Variants in MAPRE2 observed in about 807,000 individuals in gnomAD.
MAPRE2 encodes microtubule associated protein RP/EB family member 2, also known as microtubule-associated protein RP/EB family member 2.
MAPRE2 carries 13 observed loss-of-function variants against 43.2 expected under a neutral mutation model. That is an observed-to-expected ratio of 0.30 (90% CI 0.20 to 0.48). MAPRE2 has a LOEUF of 0.48. Among genes scored for constraint, MAPRE2 ranks in the 20% least tolerant of loss-of-function variants. The pLI is 0.99. For missense variants in MAPRE2, 161 were observed against 400.2 expected, an observed-to-expected ratio of 0.40 and a Z score of 5.10; for synonymous variants, 135 against 148.8, an observed-to-expected ratio of 0.91 and a Z score of 0.68.
intron 6 of MAPRE2, among the ~76,000 whole-genome samples, chr18:35,139,979 T>C (rs150975538): frequency 1.1e-4 from 16 of 152,346 alleles, no homozygotes; most frequent in African/African-American, 3.8e-4. Context: ...TGGTTTACTC[T>C]TTTACAAAGG....
chr18:34,985,311 T>TAAAATATATAATATTA (rs1568961542), intron 1 of MAPRE2, among the ~76,000 whole-genome samples: 2 of 39,560 alleles, frequency 5.1e-5, no homozygotes, highest in African/African-American at 2.3e-4. Flanking sequence ...ATTGTATATA[T>TAAAATATATAATATTA]TATATTATAT....
intron 2 of MAPRE2, among the ~76,000 whole-genome samples, chr18:35,008,683 T>G (rs1322388864): frequency 6.6e-6 from 1 of 152,210 alleles, no homozygotes; most frequent in African/African-American, 2.4e-5. Context: ...CAGATCTTGT[T>G]GTTGGTTTGG....
intron 2 of MAPRE2, among the ~76,000 whole-genome samples, chr18:35,083,542 A>G (rs1186127768): frequency 2.0e-5 from 3 of 152,206 alleles, no homozygotes; most frequent in African/African-American, 7.2e-5. Flanking sequence ...GCCTCCCTGG[A>G]AGCCAGTGAC....
intron 2 of MAPRE2, among the ~76,000 whole-genome samples, chr18:35,006,454 C>A (rs1187500852): frequency 6.6e-6 from 1 of 152,114 alleles, no homozygotes; most frequent in Non-Finnish European, 1.5e-5. Context: ...GTAATGGTGA[C>A]TATTAAAAGC....
At chr18:35,087,790 G>A (rs1479013050) in intron 2 of MAPRE2, among the ~76,000 whole-genome samples, 1 of 152,150 alleles carries the variant, frequency 6.6e-6, no homozygotes, top group East Asian at 1.9e-4. Context: ...CTCTTAGTCT[G>A]TTTTATGCTG....
intron 1 of MAPRE2, among the ~76,000 whole-genome samples, chr18:35,068,481 A>G (rs542682985): frequency 1.3e-5 from 2 of 152,314 alleles, no homozygotes; most frequent in Admixed American, 1.3e-4. Context: ...CAATGGATTG[A>G]AACATATCAA....
Position 35,142,754 on chromosome 18 carries a change from C to T in MAPRE2, c.*2385C>T, listed in dbSNP as rs1209257868. 6.6e-6 allele frequency: 1 copy of T among 152,142 alleles called. No homozygotes were observed. The highest frequency in any genetic ancestry group is 1.5e-5 in the Non-Finnish European group (1 of 68,048). The allele number at this position is 152,142 out of a possible 1,614,324, so 9.4% of individuals were successfully genotyped here. ...CTTTAACAGCTGAATTTGAGTCAGT[C>T]CTCTTAGGCTGCACCTCCAGCCTCT... On this transcript the variant is annotated 3_prime_UTR_variant, in exon 7 of 7. Coordinates refer to ENST00000300249, the MANE Select transcript of MAPRE2 (RefSeq NM_014268.4).
chr18:34,993,309 C>T (rs960058541), intron 1 of MAPRE2, among the ~76,000 whole-genome samples: 14 of 145,758 alleles, frequency 9.6e-5, no homozygotes, highest in Non-Finnish European at 1.9e-4. Flanking sequence ...TGTTTTGTTG[C>T]CCAGGGTGGT....
At chr18:35,053,359 A>T (rs1280177135) in intron 1 of MAPRE2, among the ~76,000 whole-genome samples, 1 of 152,122 alleles carries the variant, frequency 6.6e-6, no homozygotes, top group African/African-American at 2.4e-5. Context: ...ACGCCACTGC[A>T]CTCCAGGCTA....
At chr18:35,042,008 G>A (rs1181239617) in intron 1 of MAPRE2, among the ~76,000 whole-genome samples, 1 of 152,176 alleles carries the variant, frequency 6.6e-6, no homozygotes, top group African/African-American at 2.4e-5. Flanking sequence ...AGATTTTAAA[G>A]GAGCCATTAG....
intron 4 of MAPRE2, among the ~76,000 whole-genome samples, chr18:35,108,152 A>G (rs1185267120): frequency 2.0e-5 from 3 of 152,076 alleles, no homozygotes; most frequent in Non-Finnish European, 4.4e-5. Flanking sequence ...GCCCCAGTGT[A>G]TGATGTTCCC....
chr18:35,008,711 C>T (rs1472040176), intron 2 of MAPRE2, among the ~76,000 whole-genome samples: 1 of 152,068 alleles, frequency 6.6e-6, no homozygotes, highest in Non-Finnish European at 1.5e-5. Context: ...TGGTTTGTGT[C>T]TATTCATCTA....
intron 1 of MAPRE2, chr18:34,978,470 A>T (rs1013447160): frequency 1.4e-5 from 21 of 1,540,992 alleles, no homozygotes; most frequent in Admixed American, 2.0e-5. Context: ...ACCTACTTCT[A>T]ATCTGAGGAC....
chr18:35,059,734 A>C (rs1906424651), intron 1 of MAPRE2, among the ~76,000 whole-genome samples: 1 of 152,120 alleles, frequency 6.6e-6, no homozygotes, highest in African/African-American at 2.4e-5. Context: ...ATTTGAGCCA[A>C]ACCTGAAGCA....
rs537881083 is a variant in MAPRE2 at position 35,108,633 on chromosome 18, A to G, written c.610+6474A>G. Among the ~76,000 whole-genome samples the G allele has an allele frequency of 5.9e-5, 9 of 151,830 alleles. No homozygotes were observed. The South Asian group carries it at 6.2e-4, about 11-fold the overall frequency. ...TTTCTCCACAGCCTCGCCAGCATCT[A>G]TTGTTTCCTGACTTTTTAATAATCA... On this transcript the variant is annotated intron_variant, in intron 4 of 6. Coordinates refer to ENST00000300249, the MANE Select transcript of MAPRE2 (RefSeq NM_014268.4).
At chr18:35,064,484 A>G (rs1906736568) in intron 1 of MAPRE2, among the ~76,000 whole-genome samples, 1 of 152,164 alleles carries the variant, frequency 6.6e-6, no homozygotes, top group South Asian at 2.1e-4. Flanking sequence ...TACATAGGAA[A>G]TAATTTCAGT....
At chr18:34,995,839 G>A (rs771149957) in intron 1 of MAPRE2, among the ~76,000 whole-genome samples, 17 of 152,164 alleles carry the variant, frequency 1.1e-4, no homozygotes, top group Non-Finnish European at 2.1e-4. Flanking sequence ...ATTCTAGAAA[G>A]AGCCTGAAGC....
chr18:35,010,708 GT>G (rs2097034142), intron 2 of MAPRE2, among the ~76,000 whole-genome samples: 1 of 152,114 alleles, frequency 6.6e-6, no homozygotes, highest in Admixed American at 6.5e-5. Flanking sequence ...TTAAGTAGAG[GT>G]TTAGAGATTT....
chr18:34,996,112 C>T lies in MAPRE2; in HGVS notation c.-69-9380C>T, dbSNP rs1300085614. Among the ~76,000 whole-genome samples, 4 of 152,094 alleles carry T rather than the reference C, an allele frequency of 2.6e-5. No homozygotes were observed. The East Asian group carries it at 5.8e-4, about 22-fold the overall frequency. On this transcript the variant is annotated intron_variant, in intron 1 of 7. Coordinates refer to the MAPRE2 transcript ENST00000413393. ...ATGATCTTCAAACTCTATATGCTCCCCAAGAAAACAGCAGTCAGGAATTTT... is the reference window on the plus strand; with the variant it reads ...ATGATCTTCAAACTCTATATGCTCCTCAAGAAAACAGCAGTCAGGAATTTT...
Sources: gnomAD v4.1 joint callset for allele counts (sites outside exome capture counted in the v4.1 genomes callset) on GRCh38, gnomAD v4.1.1 for gene constraint, MANE v1.5 for transcripts, NCBI Gene and HGNC (gene_info 2026-07-23, HGNC 2026-07-21) for gene names.